PDE4D: variants seen among roughly 807,000 people sequenced by gnomAD.
The protein encoded by PDE4D is phosphodiesterase 4D, also known as 3',5'-cyclic-AMP phosphodiesterase 4D.
A neutral mutation model predicts 87.4 loss-of-function variants in PDE4D; 24 were observed. The observed-to-expected ratio is 0.27, with a 90% CI of 0.20 to 0.39. The LOEUF (loss-of-function observed/expected upper bound fraction) is 0.39. PDE4D is among the 10% of genes least tolerant of loss of function. The probability of loss-of-function intolerance (pLI) is 1.00; values close to 1 mark genes in which losing one functional copy is unlikely to be tolerated. For missense variants in PDE4D, 714 were observed against 1,041.0 expected (o/e 0.69, Z 4.32); for synonymous variants, 384 against 383.2 (o/e 1.00, Z -0.02).
rs186710773 is a variant in PDE4D, at chr5:59,830,955, G to A, written c.455+62213C>T. ...TGTAGCACAATTTAGTTAGGGCACA[G>A]ATAGCAAGAAGCTGTAAATGTGCTA... On this transcript the variant is annotated intron_variant, in intron 1 of 14. Coordinates refer to ENST00000340635, the MANE Select transcript of PDE4D (RefSeq NM_001104631.2). Among the ~76,000 whole-genome samples, 16 of 152,160 alleles carry A rather than the reference G, an allele frequency of 1.1e-4. No individual in the cohort carries two copies. In the East Asian group the frequency reaches 2.9e-3, roughly 28 times the overall value.
intron 1 of PDE4D, among the ~76,000 whole-genome samples, chr5:60,469,286 A>T (rs545837913): frequency 6.7e-6 from 1 of 149,910 alleles, no homozygotes; most frequent in South Asian, 2.2e-4. Context: ...CCTTCACTCC[A>T]CCCCCTCCTG....
intron 1 of PDE4D, among the ~76,000 whole-genome samples, chr5:60,305,005 A>T (rs1168457165): frequency 1.3e-5 from 2 of 151,076 alleles, no homozygotes; most frequent in African/African-American, 2.4e-5. Flanking sequence ...ATATATATAT[A>T]TTTGATTCTC....
chr5:59,298,889 T>A (rs1000089020), intron 1 of PDE4D, among the ~76,000 whole-genome samples: 1 of 152,212 alleles, frequency 6.6e-6, no homozygotes, highest in African/African-American at 2.4e-5. Context: ...TGCTTTATAC[T>A]TTTTAATATC....
chr5:59,810,753 T>C (rs555459849), intron 1 of PDE4D, among the ~76,000 whole-genome samples: 4 of 152,352 alleles, frequency 2.6e-5, no homozygotes, highest in African/African-American at 9.6e-5. Flanking sequence ...TTTTCCGGCT[T>C]ATTTAAAGAA....
At chr5:59,896,926 T>C (rs1253007425), upstream of PDE4D, among the ~76,000 whole-genome samples, 4 of 152,196 alleles carry the variant, frequency 2.6e-5, no homozygotes, top group Admixed American at 1.3e-4. Flanking sequence ...TGTAAAATAT[T>C]CCATCTACCC....
chr5:60,493,164 A>C (rs1749623797), intron 1 of PDE4D, among the ~76,000 whole-genome samples: 1 of 152,212 alleles, frequency 6.6e-6, no homozygotes. Flanking sequence ...AGGACATGAC[A>C]CACAAGGGGT....
chr5:59,732,699 A>T (rs1757543776), intron 1 of PDE4D, among the ~76,000 whole-genome samples: 1 of 152,158 alleles, frequency 6.6e-6, no homozygotes, highest in South Asian at 2.1e-4. Context: ...AGCTAAAAGC[A>T]AAATCTTGCC....
intron 5 of PDE4D, among the ~76,000 whole-genome samples, chr5:59,102,619 G>C (rs1341918797): frequency 2.6e-5 from 4 of 152,100 alleles, no homozygotes; most frequent in African/African-American, 9.7e-5. Flanking sequence ...CCTTCAAAGG[G>C]GAAAAAGCCT....
intron 2 of PDE4D, among the ~76,000 whole-genome samples, chr5:60,176,611 C>T (rs982415747): frequency 1.3e-5 from 2 of 152,118 alleles, no homozygotes; most frequent in African/African-American, 4.8e-5. Context: ...AATGGGGGTA[C>T]TCTTGGCTGA....
intron 1 of PDE4D, among the ~76,000 whole-genome samples, chr5:59,536,235 G>A (rs757087473): frequency 2.0e-5 from 3 of 152,016 alleles, no homozygotes; most frequent in Non-Finnish European, 4.4e-5. Context: ...GCCAGGCATG[G>A]TGGCTCACGC....
chr5:59,906,505 C>T (rs761492949), intron 3 of PDE4D, among the ~76,000 whole-genome samples: 39 of 152,232 alleles, frequency 2.6e-4, no homozygotes, highest in Middle Eastern at 3.4e-3. Flanking sequence ...CATAGCCAAA[C>T]CCATGTAATT....
In PDE4D at chr5:59,850,950, C is replaced by T. The variant is rs138239627; in HGVS notation, c.455+42218G>A. Among the ~76,000 whole-genome samples the T allele has an allele frequency of 9.9e-5, 15 of 152,112 alleles. No individual in the cohort carries two copies. In the East Asian group the frequency reaches 2.9e-3, roughly 30 times the overall value. On this transcript the variant is annotated intron_variant, in intron 1 of 14. Transcript: ENST00000340635. ...AACAAGAAAGCCCAGATGATATTTG[C>T]CTCCTGCTATTCATGGTGCCTCCTA...
At chr5:59,450,671 GATATTCCT>G (rs1799010404) in intron 1 of PDE4D, among the ~76,000 whole-genome samples, 1 of 152,114 alleles carries the variant, frequency 6.6e-6, no homozygotes, top group Non-Finnish European at 1.5e-5. Flanking sequence ...CACAGCAGAT[GATATTCCT>G]ACTCAAAGAG....
intron 1 of PDE4D, among the ~76,000 whole-genome samples, chr5:59,544,371 A>G (rs1816907328): frequency 6.6e-6 from 1 of 152,180 alleles, no homozygotes; most frequent in African/African-American, 2.4e-5. Flanking sequence ...GAAGTTCTGG[A>G]AAAGGAGCTC....
At chr5:60,400,541 A>AG (rs1323553612) in intron 1 of PDE4D, among the ~76,000 whole-genome samples, 3,138 of 149,624 alleles carry the variant, frequency 0.021, 43 homozygotes, top group Middle Eastern at 0.06. Context: ...AAAAAAAAAA[A>AG]AAAGAAATAT....
intron 1 of PDE4D, among the ~76,000 whole-genome samples, chr5:60,276,118 A>G (rs957664179): frequency 6.6e-6 from 1 of 152,168 alleles, no homozygotes; most frequent in Non-Finnish European, 1.5e-5. Flanking sequence ...ATTGAAAGGA[A>G]TGTTCTCTAA....
At chr5:59,403,081 C>T (rs1484731588) in intron 1 of PDE4D, among the ~76,000 whole-genome samples, 2 of 149,170 alleles carry the variant, frequency 1.3e-5, no homozygotes, top group South Asian at 2.1e-4. Context: ...TTTTTCTAGA[C>T]GTCTCCAAAA....
upstream of PDE4D, among the ~76,000 whole-genome samples, chr5:59,897,851 T>A (rs60359678): frequency 5.2e-3 from 792 of 152,320 alleles, 3 homozygotes; most frequent in African/African-American, 0.018. Context: ...TCTAATTACA[T>A]ATCCAAAGGC....
At chr5:59,565,921 G>C (rs1414480595) in intron 1 of PDE4D, among the ~76,000 whole-genome samples, 1 of 152,144 alleles carries the variant, frequency 6.6e-6, no homozygotes, top group Non-Finnish European at 1.5e-5. Flanking sequence ...GAGGAGGAGA[G>C]GGGAAGCAAA....
Sources: allele counts gnomAD v4.1 joint callset (sites outside exome capture counted in the v4.1 genomes callset), GRCh38; gene constraint gnomAD v4.1.1; transcripts MANE v1.5; gene names NCBI Gene and HGNC (gene_info 2026-07-23, HGNC 2026-07-21).